The following NPAS3 variants were observed in gnomAD, a reference collection of about 807,000 sequenced individuals.
The protein encoded by NPAS3 is neuronal PAS domain protein 3, also known as neuronal PAS domain-containing protein 3.
NPAS3 carries 14 observed loss-of-function variants against 73.1 expected under a neutral mutation model. That is an observed-to-expected ratio of 0.19 (90% confidence interval 0.13 to 0.30). NPAS3 has a LOEUF of 0.30. NPAS3 is among the 10% of genes least tolerant of loss of function. NPAS3 has a pLI of 1.00. For missense variants in NPAS3, 1,096 were observed against 1,250.0 expected, an observed-to-expected ratio of 0.88 and a Z score of 1.86; for synonymous variants, 620 against 541.5, an observed-to-expected ratio of 1.14 and a Z score of -2.01.
chr14:32,948,163 C>T (rs1595068943), intron 1 of NPAS3, among the ~76,000 whole-genome samples: 1 of 152,244 alleles, frequency 6.6e-6, no homozygotes, highest in African/African-American at 2.4e-5. Context: ...ACAATTGAAT[C>T]TTCATTTGCT....
intron 3 of NPAS3, among the ~76,000 whole-genome samples, chr14:33,221,307 T>G (rs1341775347): frequency 6.6e-6 from 1 of 152,116 alleles, no homozygotes; most frequent in Non-Finnish European, 1.5e-5. Context: ...CAGACCAAAG[T>G]CAAGGGGCAG....
chr14:33,340,776 A>G (rs2044440314), intron 3 of NPAS3, among the ~76,000 whole-genome samples: 1 of 152,186 alleles, frequency 6.6e-6, no homozygotes, highest in Non-Finnish European at 1.5e-5. Context: ...AGTATTCCTT[A>G]TATCAATTAT....
chr14:32,943,309 G>T (rs1223297805), intron 1 of NPAS3, among the ~76,000 whole-genome samples: 1 of 152,074 alleles, frequency 6.6e-6, no homozygotes, highest in Non-Finnish European at 1.5e-5. Context: ...CAATCAATTG[G>T]TAAGACTTAT....
At chr14:33,491,411 G>A (rs2051891068) in intron 4 of NPAS3, among the ~76,000 whole-genome samples, 1 of 151,934 alleles carries the variant, frequency 6.6e-6, no homozygotes, top group Admixed American at 6.6e-5. Context: ...GCCTCTGGAT[G>A]GTGTTATCCA....
At chr14:33,287,269 C>A (rs1594603671) in intron 3 of NPAS3, among the ~76,000 whole-genome samples, 4 of 152,166 alleles carry the variant, frequency 2.6e-5, no homozygotes, top group Non-Finnish European at 4.4e-5. Context: ...TGAAGTTTTA[C>A]AATGTAGATT....
intron 3 of NPAS3, among the ~76,000 whole-genome samples, chr14:33,332,479 C>T (rs1339025042): frequency 1.3e-5 from 2 of 152,102 alleles, no homozygotes; most frequent in African/African-American, 4.8e-5. Context: ...AAGGCAAATA[C>T]ATAGAGGACA....
intron 1 of NPAS3, among the ~76,000 whole-genome samples, chr14:32,975,285 A>G (rs952979851): frequency 1.9e-5 from 1 of 52,704 alleles, no homozygotes; most frequent in African/African-American, 6.3e-5. Context: ...CTGCCCTTCT[A>G]TTCCTTCCCT....
chr14:33,352,547 G>A (rs4982082), intron 3 of NPAS3, among the ~76,000 whole-genome samples: 92,166 of 152,036 alleles, frequency 0.61, 28,436 homozygotes, highest in African/African-American at 0.69. Flanking sequence ...GATGTCAGAT[G>A]TCTCATCCAA....
chr14:33,019,292 T>C (rs2039506144), intron 1 of NPAS3, among the ~76,000 whole-genome samples: 1 of 152,238 alleles, frequency 6.6e-6, no homozygotes, highest in Admixed American at 6.5e-5. Flanking sequence ...AAAGTCATTG[T>C]CCTCTAGTTG....
chr14:33,209,260 A>G (rs1294760276), intron 2 of NPAS3, among the ~76,000 whole-genome samples: 1 of 152,120 alleles, frequency 6.6e-6, no homozygotes, highest in Non-Finnish European at 1.5e-5. Context: ...GAAAGCTGAT[A>G]CTTACAACCA....
In NPAS3 at chr14:32,953,427, C is replaced by A. The variant is rs367814998; in HGVS notation, c.50+14061C>A. Among the ~76,000 whole-genome samples the A allele has an allele frequency of 1.4e-4, 21 of 152,254 alleles. No homozygotes were observed. In the East Asian group the frequency reaches 2.1e-3, roughly 15 times the overall value. On this transcript the variant is annotated intron_variant, in intron 1 of 11. Coordinates refer to ENST00000356141, the Ensembl canonical transcript of NPAS3. ...CGAGGTCACAAAGACTTTCAGTAGG[C>A]CCTGACTGAGTGAGGCGTCTTCTGT... is the stretch of plus-strand genomic sequence containing the variant.
At chr14:33,318,396 C>T (rs188360885) in intron 3 of NPAS3, among the ~76,000 whole-genome samples, 3 of 152,132 alleles carry the variant, frequency 2.0e-5, no homozygotes, top group Non-Finnish European at 2.9e-5. Flanking sequence ...CTTTGCAACA[C>T]GAAAAGAGTT....
chr14:33,092,001 C>G (rs1222597559), intron 2 of NPAS3, among the ~76,000 whole-genome samples: 1 of 152,090 alleles, frequency 6.6e-6, no homozygotes, highest in Non-Finnish European at 1.5e-5. Context: ...TATAACAAAC[C>G]CACAGCAATA....
At chr14:33,246,479 G>T (rs924392600) in intron 3 of NPAS3, among the ~76,000 whole-genome samples, 2 of 144,626 alleles carry the variant, frequency 1.4e-5, no homozygotes, top group Admixed American at 1.4e-4. Flanking sequence ...GACGGAGCCT[G>T]CAGTGAGCCG....
At chr14:33,445,042 C>T (rs2049422752) in intron 4 of NPAS3, among the ~76,000 whole-genome samples, 1 of 152,210 alleles carries the variant, frequency 6.6e-6, no homozygotes, top group Non-Finnish European at 1.5e-5. Flanking sequence ...TTCCCACCTT[C>T]TAGGATTATT....
intron 7 of NPAS3, among the ~76,000 whole-genome samples, chr14:33,750,214 CCTTTT>C (rs1191449576): frequency 6.8e-6 from 1 of 147,900 alleles, no homozygotes; most frequent in African/African-American, 2.6e-5. Flanking sequence ...TTCAGCTATT[CCTTTT>C]TTTTTTTTTC....
At chr14:33,283,286 G>A (rs1160690392) in intron 3 of NPAS3, among the ~76,000 whole-genome samples, 1 of 152,172 alleles carries the variant, frequency 6.6e-6, no homozygotes, top group East Asian at 1.9e-4. Flanking sequence ...GTAGTGAATT[G>A]CCATTGTTAC....
chr14:33,798,137 C>T (rs1165919242), intron 11 of NPAS3, among the ~76,000 whole-genome samples: 1 of 152,100 alleles, frequency 6.6e-6, no homozygotes, highest in African/African-American at 2.4e-5. Context: ...TGGGACTGAG[C>T]CTCTAAAGTA....
chr14:33,507,910 G>T (rs538959694), intron 4 of NPAS3, among the ~76,000 whole-genome samples: 2 of 151,986 alleles, frequency 1.3e-5, no homozygotes, highest in Admixed American at 1.3e-4. Flanking sequence ...GTGGATGTGG[G>T]TATATGTGGG....
Sources: gnomAD v4.1 joint callset for allele counts (sites outside exome capture counted in the v4.1 genomes callset) on GRCh38, gnomAD v4.1.1 for gene constraint, MANE v1.5 for transcripts, NCBI Gene and HGNC (gene_info 2026-07-23, HGNC 2026-07-21) for gene names.